Variants in KIF3B observed in about 807,000 individuals in gnomAD.
KIF3B encodes kinesin-like protein KIF3B.
In KIF3B, 38 loss-of-function variants were observed where a neutral mutation model predicts 74.3. The observed-to-expected ratio is 0.51, with a 90% CI of 0.39 to 0.67. The LOEUF (loss-of-function observed/expected upper bound fraction) is 0.67. Among genes scored for constraint, KIF3B ranks in the 30% least tolerant of loss-of-function variants. The pLI is 0.00. For missense variants in KIF3B, 649 were observed against 932.0 expected, an observed-to-expected ratio of 0.70 and a Z score of 3.95; for synonymous variants, 326 against 342.5, an observed-to-expected ratio of 0.95 and a Z score of 0.53.
chr20:32,308,038 C>T (rs891016193), intron 1 of KIF3B, among the ~76,000 whole-genome samples: 1 of 151,354 alleles, frequency 6.6e-6, no homozygotes, highest in Admixed American at 6.6e-5. Context: ...AGTTTGAGAC[C>T]AGCCTGGCCA....
rs1408662072 is a variant in KIF3B, at chr20:32,316,476, G to GCATAGC, written c.1507-46_1507-45insCCATAG. ...CTCTGATCCTAGCTTGGGGAACCCAGCATAGACACAGTCTCTAGGGCAAGC... is the reference window on the plus strand; with the variant it reads ...CTCTGATCCTAGCTTGGGGAACCCAGCATAGCCATAGACACAGTCTCTAGGGCAAGC... On this transcript the variant is annotated intron_variant, in intron 3 of 8. Transcript: ENST00000375712. The GCATAGC allele has an allele frequency of 2.5e-6, 4 of 1,611,150 alleles. No individual in the cohort carries two copies. The Admixed American group carries it at 5.0e-5, about 20-fold the overall frequency.
chr20:32,330,084 G>T, intron 7 of KIF3B, 57 bp from the exon 8 acceptor site: 1 of 1,517,258 alleles, frequency 6.6e-7, no homozygotes, highest in East Asian at 2.3e-5. Flanking sequence ...TCGATTGCTT[G>T]TACTGCCTGT....
At chr20:32,296,833 G>A (rs1333727798) in intron 1 of KIF3B, among the ~76,000 whole-genome samples, 2 of 152,078 alleles carry the variant, frequency 1.3e-5, no homozygotes. Context: ...AACCCAAGAT[G>A]GATAATCTTG....
At chr20:32,322,373 C>T (rs1301671673) in intron 5 of KIF3B, among the ~76,000 whole-genome samples, 1 of 150,942 alleles carries the variant, frequency 6.6e-6, no homozygotes, top group Non-Finnish European at 1.5e-5. Flanking sequence ...CTTTGAGAGG[C>T]CCAGGTGGAC....
intron 7 of KIF3B, 111 bp downstream of exon 7, chr20:32,327,772 G>A (rs761294544): frequency 3.0e-6 from 2 of 673,850 alleles, no homozygotes; most frequent in Non-Finnish European, 5.1e-6. Context: ...AGAGGTACTT[G>A]AAGACATTTA....
Position 32,331,612 on chromosome 20 carries a change from C to G in KIF3B, c.*293C>G. On this transcript the variant is annotated 3_prime_UTR_variant, in exon 9 of 9. Coordinates refer to ENST00000375712, the MANE Select transcript of KIF3B (RefSeq NM_004798.4). The stretch of plus-strand genomic sequence containing the variant: ...TGACCAGTGACCTTGCTTCCTTCCC[C>G]CTTGCCTTCTTCTCCCCCTTCCCCT... 2 of 391,488 alleles carry G rather than the reference C, an allele frequency of 5.1e-6. No individual in the cohort carries two copies. Among genetic ancestry groups the G allele is most frequent in the Non-Finnish European group, 9.1e-6 (2 of 219,786 alleles). 24.3% of individuals were successfully genotyped at this position (391,488 alleles called of 1,614,324 possible).
chr20:32,283,588 T>C (rs370999667), intron 1 of KIF3B, among the ~76,000 whole-genome samples: 1 of 150,798 alleles, frequency 6.6e-6, no homozygotes, highest in East Asian at 2.0e-4. Flanking sequence ...GGCACGTGGA[T>C]CACCTGAGAT....
intron 5 of KIF3B, among the ~76,000 whole-genome samples, chr20:32,323,151 T>TA (rs2047883907): frequency 2.4e-5 from 1 of 41,246 alleles, no homozygotes; most frequent in South Asian, 6.8e-4. Flanking sequence ...TATTTATATA[T>TA]TTATATTTAT....
chr20:32,299,400 TATA>T (rs1277374757), intron 1 of KIF3B, among the ~76,000 whole-genome samples: 53 of 71,330 alleles, frequency 7.4e-4, no homozygotes, highest in African/African-American at 2.9e-3. Flanking sequence ...TATATATATA[TATA>T]TTTTTTTTTT....
In KIF3B at chr20:32,323,384, T is replaced by C. The variant is rs1312112958; in HGVS notation, c.1749-3387T>C. 3.3e-5 allele frequency among the ~76,000 whole-genome samples: 5 copies of C among 151,218 alleles called. No homozygotes were observed. The South Asian group carries it at 6.2e-4, about 19-fold the overall frequency. ...TAGACTTATTTTAATCTGAGGCAAT[T>C]CTTTTTATTTTTTATTTTATTTATT... is the stretch of plus-strand genomic sequence containing the variant. On this transcript the variant is annotated intron_variant, in intron 5 of 8. Transcript: ENST00000375712.
At chr20:32,315,212 A>G (rs1237536113) in intron 2 of KIF3B, among the ~76,000 whole-genome samples, 1 of 152,210 alleles carries the variant, frequency 6.6e-6, no homozygotes, top group Non-Finnish European at 1.5e-5. Context: ...CTCATGCTCA[A>G]AAGAATATGT....
chr20:32,280,579 G>C (rs2047637445), intron 1 of KIF3B, among the ~76,000 whole-genome samples: 1 of 151,762 alleles, frequency 6.6e-6, no homozygotes, highest in Admixed American at 6.6e-5. Context: ...GCTGGGCATG[G>C]TGGCGGGCGC....
chr20:32,293,022 A>C (rs1225680278), intron 1 of KIF3B, among the ~76,000 whole-genome samples: 4 of 152,160 alleles, frequency 2.6e-5, no homozygotes, highest in Non-Finnish European at 5.9e-5. Context: ...TGGGAGGCCA[A>C]GGCAGGCGGA....
chr20:32,289,552 G>A (rs2047681811), intron 1 of KIF3B, among the ~76,000 whole-genome samples: 1 of 152,078 alleles, frequency 6.6e-6, no homozygotes, highest in Non-Finnish European at 1.5e-5. Context: ...TCAAGCTTAA[G>A]GCCTCAGATA....
chr20:32,303,747 C>T (rs544429743), intron 1 of KIF3B, among the ~76,000 whole-genome samples: 5 of 142,570 alleles, frequency 3.5e-5, no homozygotes, highest in East Asian at 2.1e-4. Context: ...CCCAGCTATT[C>T]GGGAGGCTGA....
chr20:32,292,583 GAAAAAAAAAAA>G (rs71185398), intron 1 of KIF3B, among the ~76,000 whole-genome samples: 6 of 71,822 alleles, frequency 8.4e-5, no homozygotes, highest in South Asian at 1.3e-3. Flanking sequence ...ACTAAAAATA[GAAAAAAAAAAA>G]AAAAAAAAAA....
At chr20:32,316,186 A>G (rs2047826371) in intron 2 of KIF3B, 32 bp from the exon 3 acceptor site, 3 of 1,229,918 alleles carry the variant, frequency 2.4e-6, no homozygotes, top group Non-Finnish European at 3.6e-6. Context: ...GAAACCGTTC[A>G]TGAGATGGAT....
Position 32,327,670 on chromosome 20 carries a change from A to T in KIF3B, c.1968+9A>T, listed in dbSNP as rs1360997286. ...CAGAGGCCCGATATAGGGTGAGAAG[A>T]TCCTTCTTGGGTTTTTCTCCTGTCT... On this transcript the variant is annotated intron_variant, in intron 7 of 8. Transcript: ENST00000375712. 3 of 1,606,368 alleles carry T rather than the reference A, an allele frequency of 1.9e-6. No individual in the cohort carries two copies. The highest frequency in any genetic ancestry group is 2.2e-5 in the East Asian group (1 of 44,742).
At chr20:32,316,092 T>C (rs2047825961) in intron 2 of KIF3B, 126 bp from the exon 3 acceptor site, 2 of 672,588 alleles carry the variant, frequency 3.0e-6, no homozygotes, top group Non-Finnish European at 5.3e-6. Flanking sequence ...CACAGTGTAT[T>C]TTTTCCCAGA....
Sources: gnomAD v4.1 joint callset for allele counts (sites outside exome capture counted in the v4.1 genomes callset) on GRCh38, gnomAD v4.1.1 for gene constraint, MANE v1.5 for transcripts, NCBI Gene and HGNC (gene_info 2026-07-23, HGNC 2026-07-21) for gene names.